The following MYO5A variants were observed in gnomAD, a reference collection of about 807,000 sequenced individuals.
The protein encoded by MYO5A is unconventional myosin-Va.
Under a neutral mutation model 249.7 loss-of-function variants are expected in MYO5A, and 98 were observed. The ratio of observed to expected loss-of-function variants is 0.39; its 90% CI spans 0.33 to 0.46. The LOEUF is 0.46. MYO5A is among the 20% of genes least tolerant of loss of function. The pLI is 0.98. For missense variants in MYO5A, 1,696 were observed against 2,308.8 expected, an observed-to-expected ratio of 0.73 and a Z score of 5.44; for synonymous variants, 778 against 810.6, an observed-to-expected ratio of 0.96 and a Z score of 0.68.
chr15:52,481,262 G>C (rs947616557), intron 1 of MYO5A, among the ~76,000 whole-genome samples: 2 of 152,158 alleles, frequency 1.3e-5, no homozygotes, highest in African/African-American at 4.8e-5. Context: ...CTAAGCAAAT[G>C]GTCTCTAGGA....
intron 4 of MYO5A, among the ~76,000 whole-genome samples, chr15:52,421,732 A>G (rs2043802542): frequency 6.6e-6 from 1 of 152,228 alleles, no homozygotes; most frequent in African/African-American, 2.4e-5. Context: ...AAAGATAACA[A>G]ATGCATACCA....
At chr15:52,457,263 G>A (rs1166674060) in intron 1 of MYO5A, among the ~76,000 whole-genome samples, 2 of 151,942 alleles carry the variant, frequency 1.3e-5, no homozygotes, top group East Asian at 1.9e-4. Context: ...GCAACATGGC[G>A]AAACCCTATC....
In MYO5A at chr15:52,507,803, C is replaced by CAAAAAAAAAAA. The variant is rs146846192; in HGVS notation, c.27+20976_27+20977insTTTTTTTTTTT. Among the ~76,000 whole-genome samples the CAAAAAAAAAAA allele has an allele frequency of 3.8e-3, 482 of 126,880 alleles. 31 individuals are homozygous for CAAAAAAAAAAA. Among genetic ancestry groups the CAAAAAAAAAAA allele is most frequent in the African/African-American group, 0.012 (369 of 31,218 alleles). 83.2% of individuals were successfully genotyped at this position (126,880 alleles called of 152,430 possible). A position where few individuals can be genotyped will look rare whatever the true frequency, so the allele number is the denominator to read the frequency against. ...TGAGCAACAGAATGAGACCCTGTCC[C>CAAAAAAAAAAA]CAAAAAAAAAAAAAAAAAGTGTAAT... On this transcript the variant is annotated intron_variant, in intron 1 of 41. Transcript: ENST00000399233.
At chr15:52,478,468 T>C (rs532738529) in intron 1 of MYO5A, among the ~76,000 whole-genome samples, 1 of 152,140 alleles carries the variant, frequency 6.6e-6, no homozygotes, top group African/African-American at 2.4e-5. Flanking sequence ...GGTACCTCAG[T>C]TGGAAATGCA....
At chr15:52,396,627 A>G (rs760093169) in intron 10 of MYO5A, among the ~76,000 whole-genome samples, 2 of 152,038 alleles carry the variant, frequency 1.3e-5, no homozygotes, top group Non-Finnish European at 2.9e-5. Context: ...TTTTTTTCCA[A>G]AGGCCCCAGC....
intron 8 of MYO5A, among the ~76,000 whole-genome samples, chr15:52,406,857 C>T (rs967303716): frequency 1.3e-5 from 2 of 152,138 alleles, no homozygotes; most frequent in Non-Finnish European, 2.9e-5. Flanking sequence ...GAAAGATCCC[C>T]AAAACCAAAC....
intron 1 of MYO5A, among the ~76,000 whole-genome samples, chr15:52,510,027 G>A (rs1297619608): frequency 2.6e-5 from 4 of 152,188 alleles, no homozygotes; most frequent in South Asian, 4.1e-4. Context: ...AGCTGCATCT[G>A]ATGTCACTGC....
chr15:52,367,870 AACACACACACACACAC>A (rs3985806), intron 22 of MYO5A, among the ~76,000 whole-genome samples: 11 of 141,788 alleles, frequency 7.8e-5, no homozygotes, highest in East Asian at 2.0e-4. Flanking sequence ...TATATTTTAA[AACACACACACACACAC>A]ACACACACAC....
intron 1 of MYO5A, among the ~76,000 whole-genome samples, chr15:52,435,904 C>T (rs2141319001): frequency 6.6e-6 from 1 of 152,238 alleles, no homozygotes; most frequent in South Asian, 2.1e-4. Flanking sequence ...GGACAAATAG[C>T]CATCACAGTT....
intron 34 of MYO5A, among the ~76,000 whole-genome samples, chr15:52,335,130 T>C (rs1015636829): frequency 2.0e-5 from 3 of 152,118 alleles, no homozygotes; most frequent in Admixed American, 1.3e-4. Flanking sequence ...AGAATGACAA[T>C]GAGAGAAAAT....
chr15:52,451,334 C>A (rs778218195), intron 1 of MYO5A, among the ~76,000 whole-genome samples: 24 of 152,138 alleles, frequency 1.6e-4, no homozygotes, highest in Non-Finnish European at 2.8e-4. Context: ...ACAGCCACCA[C>A]CAAATCCTAG....
Position 52,307,882 on chromosome 15 carries a change from A to G in MYO5A, c.*5814T>C, listed in dbSNP as rs1409484745. 2.6e-5 allele frequency: 4 copies of G among 152,196 alleles called. No homozygotes were observed. In the East Asian group the frequency reaches 7.7e-4, roughly 29 times the overall value. The allele number at this position is 152,196 out of a possible 1,614,324, so 9.4% of individuals were successfully genotyped here. The stretch of plus-strand genomic sequence containing the variant: ...GTCAATTTTACTGCAGGATCCCACA[A>G]AAATACATAACCAGGAATCATAAAT... On this transcript the variant is annotated 3_prime_UTR_variant, in exon 42 of 42. Transcript: ENST00000399233.
At chr15:52,331,483 A>C (rs947962488) in intron 34 of MYO5A, among the ~76,000 whole-genome samples, 1 of 152,162 alleles carries the variant, frequency 6.6e-6, no homozygotes, top group Non-Finnish European at 1.5e-5. Flanking sequence ...ACAGGGAGGG[A>C]GAGTGGTTAA....
At chr15:52,336,868 G>A (rs2039144993) in intron 33 of MYO5A, among the ~76,000 whole-genome samples, 1 of 152,214 alleles carries the variant, frequency 6.6e-6, no homozygotes, top group South Asian at 2.1e-4. Flanking sequence ...TATTCCAGTA[G>A]AATGCTTTCT....
intron 4 of MYO5A, among the ~76,000 whole-genome samples, chr15:52,420,605 T>C (rs1251594028): frequency 1.3e-5 from 2 of 152,214 alleles, no homozygotes; most frequent in Non-Finnish European, 2.9e-5. Flanking sequence ...GGTATTCTTA[T>C]ATACCAGTAT....
chr15:52,374,050 C>T (rs1044431278), intron 20 of MYO5A, among the ~76,000 whole-genome samples: 2 of 152,094 alleles, frequency 1.3e-5, no homozygotes, highest in African/African-American at 4.8e-5. Flanking sequence ...ATTAATGCTC[C>T]TTCTAATGGT....
chr15:52,404,179 C>T (rs140026434), intron 9 of MYO5A, among the ~76,000 whole-genome samples: 6 of 148,966 alleles, frequency 4.0e-5, no homozygotes, highest in African/African-American at 1.2e-4. Flanking sequence ...GCAGAAGAAT[C>T]GCCTGAACCC....
At chr15:52,455,090 G>C (rs2076092702) in intron 1 of MYO5A, among the ~76,000 whole-genome samples, 2 of 151,678 alleles carry the variant, frequency 1.3e-5, no homozygotes, top group Non-Finnish European at 2.9e-5. Flanking sequence ...GATAAAAAGA[G>C]AGAAGACCCA....
intron 16 of MYO5A, among the ~76,000 whole-genome samples, chr15:52,380,951 A>AT (rs973169101): frequency 2.6e-5 from 4 of 152,192 alleles, no homozygotes; most frequent in African/African-American, 9.7e-5. Flanking sequence ...ATACGGTTAT[A>AT]TTTTTTTAAA....
Sources: allele counts gnomAD v4.1 joint callset (sites outside exome capture counted in the v4.1 genomes callset), GRCh38; gene constraint gnomAD v4.1.1; transcripts MANE v1.5; gene names NCBI Gene and HGNC (gene_info 2026-07-23, HGNC 2026-07-21).